CDCA3: variants seen among roughly 807,000 people sequenced by gnomAD.
CDCA3 encodes the protein cell division cycle associated 3.
A neutral mutation model predicts 29.1 loss-of-function variants in CDCA3; 16 were observed. That is an observed-to-expected ratio of 0.55 (90% CI 0.37 to 0.83). The LOEUF (loss-of-function observed/expected upper bound fraction) is 0.83. Among genes scored for constraint, CDCA3 ranks in the 40% least tolerant of loss-of-function variants. The pLI, the probability that CDCA3 is intolerant of heterozygous loss-of-function variation, is 0.00. For missense variants in CDCA3, 291 were observed against 327.2 expected (o/e 0.89, Z 0.85); for synonymous variants, 88 against 124.5 (o/e 0.71, Z 1.95).
downstream of CDCA3, chr12:6,847,211 G>A (rs1025450259): frequency 4.3e-5 from 15 of 350,982 alleles, 1 homozygote; most frequent in African/African-American, 2.9e-4. Context: ...GAGGCCCCAG[G>A]CCCTAGGATT....
chr12:6,850,473 T>C lies in CDCA3; in HGVS notation c.244A>G (p.Ser82Gly), dbSNP rs1591598730. 1 of 1,614,160 alleles carries C rather than the reference T, an allele frequency of 6.2e-7. No individual in the cohort carries two copies. Among genetic ancestry groups the C allele is most frequent in the Non-Finnish European group, 8.5e-7 (1 of 1,180,008 alleles). ...GIARTPMKTS[S>G]GDPPSPLVKQ... is the part of the protein sequence containing the mutation. ...CCCTGGGCCCAACGCTTACCTCCAC[T>C]GCTGGTCTTCATAGGTGTCCGTGCA... The change falls in exon 3 of 6, where the codon AGT becomes GGT. Residue 82 changes from serine (S) to glycine (G), a missense_variant. Physicochemically the swap from Ser to Gly is moderately conservative, Grantham distance 56. Coordinates refer to ENST00000538862, the MANE Select transcript of CDCA3 (RefSeq NM_031299.7). This position sits in a 1 kb window ranked among gnomAD's most constrained non-coding sequence, Gnocchi z 4.7.
At chr12:6,845,935 C>T (rs543958987), downstream of CDCA3, 1,200 of 673,896 alleles carry the variant, frequency 1.8e-3, 2 homozygotes, top group Non-Finnish European at 2.6e-3. Flanking sequence ...GGTGACTCCA[C>T]CCCTGGAATC....
chr12:6,851,096 G>A (rs1555126441), intron 1 of CDCA3, 87 bp from the exon 2 acceptor site: 5 of 1,419,180 alleles, frequency 3.5e-6, no homozygotes, highest in East Asian at 2.5e-5. Flanking sequence ...AGTTTCCAGT[G>A]AAGAAACTTC....
downstream of CDCA3, chr12:6,846,832 A>G: frequency 6.2e-7 from 1 of 1,602,348 alleles, no homozygotes; most frequent in East Asian, 2.2e-5. Context: ...GCTGCCTGGG[A>G]GTCACAGCTG....
At position 6,849,210 on chromosome 12, in the gene CDCA3, A is replaced by T. The variant is rs1042243704; in HGVS notation, c.652-12T>A. The T allele has an allele frequency of 9.3e-6, 15 of 1,613,962 alleles. No individual in the cohort carries two copies. Among genetic ancestry groups the T allele is most frequent in the Middle Eastern group, 1.6e-4 (1 of 6,080 alleles). ...GAAGGCCGCTTACCCTGAAAACGGC[A>T]GTGTATGAGTTGGGGGGAGTTGCTG... On this transcript the variant is annotated splice_polypyrimidine_tract_variant and intron_variant, in intron 5 of 5. Transcript: ENST00000538862. This position sits in a 1 kb window ranked among gnomAD's most constrained non-coding sequence, Gnocchi z 5.2.
At chr12:6,851,033 AG>A in intron 1 of CDCA3, 24 bp from the exon 2 acceptor site, 1 of 1,504,990 alleles carries the variant, frequency 6.6e-7, no homozygotes, top group East Asian at 2.3e-5. Flanking sequence ...CTCAGGTCTC[AG>A]CCCTTATCTC....
At position 6,849,445 on chromosome 12, in the gene CDCA3, C is replaced by T. The variant is rs782629238; in HGVS notation, c.545-16G>A. 78 of 1,570,048 alleles carry T rather than the reference C, an allele frequency of 5.0e-5. No individual in the cohort carries two copies. Among genetic ancestry groups the T allele is most frequent in the Non-Finnish European group, 6.2e-5 (72 of 1,156,914 alleles). On this transcript the variant is annotated splice_polypyrimidine_tract_variant and intron_variant, in intron 4 of 5. Transcript: ENST00000538862. The surrounding 1 kb of genome is among the most constrained non-coding windows in gnomAD (Gnocchi z 5.2). ...CGCATAGAACCTGGGGTGGGTAAGG[C>T]GTTAAAGCAAGGACCCAAAACTAGG...
In CDCA3 at chr12:6,850,041, C is replaced by T. The variant is rs1943802585; in HGVS notation, c.251-183G>A. Among the ~76,000 whole-genome samples the T allele has an allele frequency of 6.6e-6, 1 of 152,082 alleles. No individual in the cohort carries two copies. Among genetic ancestry groups the T allele is most frequent in the Middle Eastern group, 3.4e-3 (1 of 292 alleles). On this transcript the variant is annotated intron_variant, in intron 3 of 5. Coordinates refer to ENST00000538862, the MANE Select transcript of CDCA3 (RefSeq NM_031299.7). The surrounding 1 kb of genome is among the most constrained non-coding windows in gnomAD (Gnocchi z 4.7). ...TTTGAGATGGGGCTTGCTCTGTCCCCCAGGCTGGAGTGCAGTGGCGTGATC... is the reference window on the plus strand; with the variant it reads ...TTTGAGATGGGGCTTGCTCTGTCCCTCAGGCTGGAGTGCAGTGGCGTGATC...
chr12:6,846,170 C>T (rs1943692321), downstream of CDCA3: 2 of 255,146 alleles, frequency 7.8e-6, no homozygotes, highest in Non-Finnish European at 1.5e-5. Context: ...TGGAGTGGCC[C>T]GAGGGCCCTG....
chr12:6,847,040 G>A (rs1040345131), downstream of CDCA3: 3 of 612,272 alleles, frequency 4.9e-6, no homozygotes, highest in Middle Eastern at 4.4e-4. Flanking sequence ...GGGGAGCATG[G>A]GACTGTGCCT....
In CDCA3 at chr12:6,849,455, A is replaced by G. The variant is rs1238950901; in HGVS notation, c.545-26T>C. On this transcript the variant is annotated intron_variant, in intron 4 of 5. Coordinates refer to ENST00000538862, the MANE Select transcript of CDCA3 (RefSeq NM_031299.7). The surrounding 1 kb of genome is among the most constrained non-coding windows in gnomAD (Gnocchi z 5.2). ...CTGGGGTGGGTAAGGCGTTAAAGCA[A>G]GGACCCAAAACTAGGACTTACAGTT... is the stretch of plus-strand genomic sequence containing the variant. 6.4e-7 allele frequency: 1 copy of G among 1,563,272 alleles called. No homozygotes were observed. The highest frequency in any genetic ancestry group is 8.7e-7 in the Non-Finnish European group (1 of 1,153,758).
rs782212714 is a variant in CDCA3 at position 6,850,448 on chromosome 12, C to T, written c.250+19G>A. ...AATAGATGACAGCTTCATCAGCATT[C>T]CCTGGGCCCAACGCTTACCTCCACT... On this transcript the variant is annotated intron_variant, in intron 3 of 5. Coordinates refer to ENST00000538862, the MANE Select transcript of CDCA3 (RefSeq NM_031299.7). This position sits in a 1 kb window ranked among gnomAD's most constrained non-coding sequence, Gnocchi z 4.7. The T allele has an allele frequency of 5.6e-6, 9 of 1,613,858 alleles. No homozygotes were observed. The highest frequency in any genetic ancestry group is 5.0e-5 in the Admixed American group (3 of 59,986).
downstream of CDCA3, chr12:6,848,422 A>T (rs931014458): frequency 3.3e-5 from 5 of 152,348 alleles, no homozygotes; most frequent in African/African-American, 2.4e-5. Flanking sequence ...GATATAGGAC[A>T]TTGGGAGGGA....
In CDCA3 at chr12:6,851,095, T is replaced by C. The variant is rs1205612497; in HGVS notation, c.-57-86A>G. The C allele has an allele frequency of 2.8e-6, 4 of 1,417,546 alleles. No homozygotes were observed. The East Asian group carries it at 1.0e-4, about 36-fold the overall frequency. 87.8% of individuals were successfully genotyped at this position (1,417,546 alleles called of 1,614,324 possible). On this transcript the variant is annotated intron_variant, in intron 1 of 5. Coordinates refer to ENST00000538862, the MANE Select transcript of CDCA3 (RefSeq NM_031299.7). ...ACCACCCTGTCTTCCCAGTTTCCAG[T>C]GAAGAAACTTCCTGGCGAGGGACCA...
chr12:6,850,677 A>T lies in CDCA3; in HGVS notation c.121-81T>A. 6.2e-7 allele frequency: 1 copy of T among 1,603,430 alleles called. No individual in the cohort carries two copies. Among genetic ancestry groups the T allele is most frequent in the Middle Eastern group, 1.7e-4 (1 of 5,958 alleles). ...CCCCATATTCCAGGAAGGAATTGCC[A>T]AGGCCCTCAGATATCCAGCCTACCC... On this transcript the variant is annotated intron_variant, in intron 2 of 5. Coordinates refer to ENST00000538862, the MANE Select transcript of CDCA3 (RefSeq NM_031299.7). The surrounding 1 kb of genome is among the most constrained non-coding windows in gnomAD (Gnocchi z 4.7).
rs1943763787 is a variant in CDCA3, at chr12:6,849,034, A to G, written c.*9T>C. On this transcript the variant is annotated 3_prime_UTR_variant, in exon 6 of 6. Coordinates refer to ENST00000538862, the MANE Select transcript of CDCA3 (RefSeq NM_031299.7). This position sits in a 1 kb window ranked among gnomAD's most constrained non-coding sequence, Gnocchi z 5.2. ...CCTGGGTGACTGCATTGCTGGGGCC[A>G]TGCAGGGCCTAGCTCTCCACCAAGG... 3.4e-6 allele frequency: 3 copies of G among 884,340 alleles called. No homozygotes were observed. The highest frequency in any genetic ancestry group is 5.8e-6 in the Non-Finnish European group (3 of 514,252). 54.8% of individuals were successfully genotyped at this position (884,340 alleles called of 1,614,324 possible).
chr12:6,851,255 C>T lies in CDCA3; in HGVS notation c.-91G>A, dbSNP rs1393995543. On this transcript the variant is annotated 5_prime_UTR_variant, in exon 1 of 6. Transcript: ENST00000538862. ...AATTCCACCTCTGGATGCACAACAG[C>T]TCGTGGCTCAACTCCCGAAGTTACC... is the stretch of plus-strand genomic sequence containing the variant. The T allele has an allele frequency of 8.6e-7, 1 of 1,159,610 alleles. No homozygotes were observed. The highest frequency in any genetic ancestry group is 1.1e-6 in the Non-Finnish European group (1 of 937,180). The allele number at this position is 1,159,610 out of a possible 1,614,324, so 71.8% of individuals were successfully genotyped here.
downstream of CDCA3, chr12:6,845,881 T>G (rs535223865): frequency 4.3e-6 from 4 of 938,978 alleles, no homozygotes; most frequent in Middle Eastern, 7.1e-4. Context: ...GTACCCCCCA[T>G]CAGCTCCCAT....
At chr12:6,845,614 C>T (rs200144483), downstream of CDCA3, 51 of 1,612,652 alleles carry the variant, frequency 3.2e-5, no homozygotes, top group African/African-American at 2.7e-4. Flanking sequence ...GCCATCTGCA[C>T]GGGCTCGGAT....
Sources: allele counts gnomAD v4.1 joint callset (sites outside exome capture counted in the v4.1 genomes callset), GRCh38; gene constraint gnomAD v4.1.1; non-coding constraint Gnocchi (gnomAD v3.1); transcripts MANE v1.5; gene names NCBI Gene and HGNC (gene_info 2026-07-23, HGNC 2026-07-21).